Variants in THPO observed in about 807,000 individuals in gnomAD.
THPO encodes the protein thrombopoietin.
A neutral mutation model predicts 17.0 loss-of-function variants in THPO; 12 were observed. The ratio of observed to expected loss-of-function variants is 0.71; its 90% CI spans 0.45 to 1.14. THPO has a LOEUF of 1.14. Among genes scored for constraint, THPO ranks in the 50% most tolerant of loss-of-function variants. The probability of loss-of-function intolerance (pLI) is 0.00; values close to 1 mark genes in which losing one functional copy is unlikely to be tolerated. For missense variants in THPO, 365 were observed against 427.5 expected (o/e 0.85, Z 1.29); for synonymous variants, 188 against 183.0 (o/e 1.03, Z -0.22).
chr3:184,377,100 G>A (rs1168137761), intron 1 of THPO, among the ~76,000 whole-genome samples: 1 of 152,044 alleles, frequency 6.6e-6, no homozygotes, highest in Non-Finnish European at 1.5e-5. Flanking sequence ...GGAGAAGAGA[G>A]TGGAAAATGG....
At position 184,372,405 on chromosome 3, in the gene THPO, G is replaced by C. The variant is rs1353316698; in HGVS notation, c.*108C>G. 1 of 1,360,114 alleles carries C rather than the reference G, an allele frequency of 7.4e-7. No individual in the cohort carries two copies. The highest frequency in any genetic ancestry group is 1.0e-6 in the Non-Finnish European group (1 of 952,572). 84.3% of individuals were successfully genotyped at this position (1,360,114 alleles called of 1,614,324 possible). On this transcript the variant is annotated 3_prime_UTR_variant, in exon 6 of 6. Coordinates refer to ENST00000647395, the MANE Select transcript of THPO (RefSeq NM_000460.4). ...TGTGTATCCCTTTTACCAGGGCTTT[G>C]GGTTTCAGGAGAAAGTAGGAAATCT... is the stretch of plus-strand genomic sequence containing the variant.
At chr3:184,379,344 G>A (rs914779162), upstream of THPO, among the ~76,000 whole-genome samples, 1 of 152,126 alleles carries the variant, frequency 6.6e-6, no homozygotes, top group Non-Finnish European at 1.5e-5. Context: ...TTGGGTGAAG[G>A]AAGGGGGTGA....
At chr3:184,375,228 C>T (rs1714288651) in intron 4 of THPO, among the ~76,000 whole-genome samples, 1 of 152,228 alleles carries the variant, frequency 6.6e-6, no homozygotes, top group Non-Finnish European at 1.5e-5. Context: ...CTTGCTTCTT[C>T]ATGCCAATTT....
Position 184,376,346 on chromosome 3 carries a change from C to T in THPO, c.-87G>A. ...TGGGGCCATGGAGGCGGCTTAGGCTCTTGCACTTCTGGGCAGAGTAGGGTG... is the reference window on the plus strand; with the variant it reads ...TGGGGCCATGGAGGCGGCTTAGGCTTTTGCACTTCTGGGCAGAGTAGGGTG... On this transcript the variant is annotated 5_prime_UTR_variant, in exon 2 of 6. Coordinates refer to ENST00000647395, the MANE Select transcript of THPO (RefSeq NM_000460.4). 3 of 1,613,868 alleles carry T rather than the reference C, an allele frequency of 1.9e-6. No homozygotes were observed. Among genetic ancestry groups the T allele is most frequent in the South Asian group, 1.1e-5 (1 of 91,082 alleles).
chr3:184,379,186 G>T (rs1714760412), upstream of THPO, among the ~76,000 whole-genome samples: 1 of 152,154 alleles, frequency 6.6e-6, no homozygotes, highest in Non-Finnish European at 1.5e-5. Flanking sequence ...CAGACGAGAT[G>T]TCTCCCAAGA....
rs751527063 is a variant in THPO, at chr3:184,372,688, G to A, written c.887C>T (p.Pro296Leu). 1.6e-5 allele frequency: 26 copies of A among 1,613,106 alleles called. No homozygotes were observed. The highest frequency in any genetic ancestry group is 2.1e-5 in the Non-Finnish European group (25 of 1,179,274). ...PNLQPGYSPS[P>L]THPPTGQYTL... is the part of the protein sequence containing the mutation. The stretch of plus-strand genomic sequence containing the variant: ...ATACTGTCCAGTAGGAGGATGGGTT[G>A]GGGAAGGAGAATATCCAGGCTGGAG... Residue 296 changes from proline (P) to leucine (L), a missense_variant, in exon 6 of 6, where the codon CCA (proline) becomes CTA (leucine). Transcript: ENST00000647395.
intron 4 of THPO, 44 bp from the exon 5 acceptor site, chr3:184,373,626 A>G (rs369262108): frequency 2.2e-5 from 36 of 1,608,396 alleles, no homozygotes; most frequent in African/African-American, 1.5e-4. Flanking sequence ...CTCAAAGGGC[A>G]CACTAAAAGC....
chr3:184,372,252 G>A lies in THPO; in HGVS notation c.*261C>T, dbSNP rs1455682174. On this transcript the variant is annotated 3_prime_UTR_variant, in exon 6 of 6. Transcript: ENST00000647395. ...CAGAAAAAGAGCATGTAGAGAATCA[G>A]TGAGTTGCAAATTTCTGCAGAAAAT... The A allele has an allele frequency of 4.1e-6, 2 of 490,398 alleles. No individual in the cohort carries two copies. Among genetic ancestry groups the A allele is most frequent in the Admixed American group, 6.4e-5 (2 of 31,128 alleles). The allele number at this position is 490,398 out of a possible 1,614,324, so 30.4% of individuals were successfully genotyped here. A position where few individuals can be genotyped will look rare whatever the true frequency, so the allele number is the denominator to read the frequency against.
At chr3:184,379,500 G>A (rs1224210065), upstream of THPO, among the ~76,000 whole-genome samples, 2 of 152,192 alleles carry the variant, frequency 1.3e-5, no homozygotes, top group African/African-American at 4.8e-5. Flanking sequence ...ACCTCAGAGA[G>A]AAGGTAGGGA....
chr3:184,372,422 A>G lies in THPO; in HGVS notation c.*91T>C. The G allele has an allele frequency of 3.3e-6, 5 of 1,501,510 alleles. No homozygotes were observed. The East Asian group carries it at 9.0e-5, about 27-fold the overall frequency. The allele number at this position is 1,501,510 out of a possible 1,614,324, so 93.0% of individuals were successfully genotyped here. A position where few individuals can be genotyped will look rare whatever the true frequency, so the allele number is the denominator to read the frequency against. ...AGGGCTTTGGGTTTCAGGAGAAAGT[A>G]GGAAATCTTGTCCAGTTGTCTCCCA... is the stretch of plus-strand genomic sequence containing the variant. On this transcript the variant is annotated 3_prime_UTR_variant, in exon 6 of 6. Coordinates refer to ENST00000647395, the MANE Select transcript of THPO (RefSeq NM_000460.4).
At position 184,372,504 on chromosome 3, in the gene THPO, C is replaced by G. The variant is rs375561267; in HGVS notation, c.*9G>C. The G allele has an allele frequency of 6.2e-7, 1 of 1,613,926 alleles. No homozygotes were observed. Among genetic ancestry groups the G allele is most frequent in the African/African-American group, 1.3e-5 (1 of 74,876 alleles). On this transcript the variant is annotated 3_prime_UTR_variant, in exon 6 of 6. Transcript: ENST00000647395. ...GAGACAATGCTGATGTCGGCAGTGT[C>G]TGAGAACCTTACCCTTCCTGAGACA...
rs113064826 is a variant in THPO at position 184,375,717 on chromosome 3, G to A, written c.142-116C>T. ...TCTCTAGACGAGAGCTTTTAAATGC[G>A]GGCTGTATTGTGAAGAATAATCCTT... is the stretch of plus-strand genomic sequence containing the variant. On this transcript the variant is annotated intron_variant, in intron 3 of 5. Transcript: ENST00000647395. 1.6e-4 allele frequency: 235 copies of A among 1,455,196 alleles called. No individual in the cohort carries two copies. The African/African-American group carries it at 1.8e-3, about 11-fold the overall frequency. 90.1% of individuals were successfully genotyped at this position (1,455,196 alleles called of 1,614,324 possible).
intron 1 of THPO, among the ~76,000 whole-genome samples, chr3:184,377,450 T>C (rs374464451): frequency 6.6e-6 from 1 of 152,158 alleles, no homozygotes; most frequent in African/African-American, 2.4e-5. Flanking sequence ...GCTTACCTTG[T>C]CTTAGGCGCC....
rs147239666 is a variant in THPO at position 184,374,692 on chromosome 3, C to T, written c.228+823G>A. Among the ~76,000 whole-genome samples the T allele has an allele frequency of 7.3e-4, 111 of 152,290 alleles. 2 individuals carry two copies. The East Asian group carries it at 0.017, about 23-fold the overall frequency. On this transcript the variant is annotated intron_variant, in intron 4 of 5. Transcript: ENST00000647395. Reference sequence around the variant, plus strand: ...CAATTTAATTCTCTCAGATCCTTTTCGTAGGAAGTGCTAGGGCCAGAGGCT... The same window carrying T: ...CAATTTAATTCTCTCAGATCCTTTTTGTAGGAAGTGCTAGGGCCAGAGGCT...
intron 1 of THPO, among the ~76,000 whole-genome samples, chr3:184,377,200 T>C (rs1481961614): frequency 6.6e-6 from 1 of 151,998 alleles, no homozygotes; most frequent in East Asian, 1.9e-4. Context: ...GGAGGGGAAC[T>C]GCACAAAGCT....
chr3:184,376,206 C>T (rs555632033), intron 2 of THPO, 41 bp downstream of exon 2: 2 of 1,614,062 alleles, frequency 1.2e-6, no homozygotes, highest in Non-Finnish European at 1.7e-6. Flanking sequence ...CCCCTTCTGT[C>T]ATGTTTCCAT....
At chr3:184,378,767 C>T (rs1229854157), upstream of THPO, 7 of 983,268 alleles carry the variant, frequency 7.1e-6, no homozygotes, top group South Asian at 4.7e-5. Flanking sequence ...CTTAGGTGCT[C>T]GTCTGCTGGG....
intron 4 of THPO, among the ~76,000 whole-genome samples, chr3:184,374,139 A>C (rs896632421): frequency 3.3e-5 from 5 of 152,180 alleles, no homozygotes; most frequent in Non-Finnish European, 5.9e-5. Flanking sequence ...GAGGCAGGAG[A>C]ATCGCTTGAA....
chr3:184,374,449 T>G (rs1223658366), intron 4 of THPO, among the ~76,000 whole-genome samples: 1 of 152,196 alleles, frequency 6.6e-6, no homozygotes, highest in Non-Finnish European at 1.5e-5. Flanking sequence ...GGCTGCTGCT[T>G]TCTAGACACA....
Sources: gnomAD v4.1 joint callset for allele counts (sites outside exome capture counted in the v4.1 genomes callset) on GRCh38, gnomAD v4.1.1 for gene constraint, MANE v1.5 for transcripts, NCBI Gene and HGNC (gene_info 2026-07-23, HGNC 2026-07-21) for gene names.